Variants in CFTR observed in about 807,000 individuals in gnomAD.
CFTR encodes the protein cystic fibrosis transmembrane conductance regulator.
CFTR carries 181 observed loss-of-function variants against 171.6 expected under a neutral mutation model. The ratio of observed to expected loss-of-function variants is 1.05; its 90% confidence interval spans 0.93 to 1.19. CFTR has a LOEUF of 1.19. CFTR is among the 50% of genes most tolerant of loss of function. CFTR has a pLI of 0.00. For missense variants in CFTR, 1,968 were observed against 1,734.7 expected, an observed-to-expected ratio of 1.13 and a Z score of -2.39; for synonymous variants, 583 against 608.0, an observed-to-expected ratio of 0.96 and a Z score of 0.60.
chr7:117,612,452 C>A (rs767269334), intron 20 of CFTR, among the ~76,000 whole-genome samples: 1 of 151,936 alleles, frequency 6.6e-6, no homozygotes, highest in Non-Finnish European at 1.5e-5. Context: ...ATTTTAGGAT[C>A]TTTAGTGAAA....
At chr7:117,580,952 G>C (rs213956) in intron 11 of CFTR, among the ~76,000 whole-genome samples, 4 of 151,814 alleles carry the variant, frequency 2.6e-5, no homozygotes, top group African/African-American at 7.3e-5. Context: ...TGGAAATTTC[G>C]AATAAACGAT....
intron 11 of CFTR, among the ~76,000 whole-genome samples, chr7:117,567,773 A>G (rs1461832062): frequency 6.6e-6 from 1 of 152,206 alleles, no homozygotes; most frequent in African/African-American, 2.4e-5. Context: ...ATATTTGATG[A>G]CAGAGACACA....
At chr7:117,661,454 C>G (rs1354701786) in intron 24 of CFTR, among the ~76,000 whole-genome samples, 1 of 152,218 alleles carries the variant, frequency 6.6e-6, no homozygotes, top group South Asian at 2.1e-4. Flanking sequence ...AAGTCTAAGA[C>G]AGTCAAATAG....
At chr7:117,576,824 G>A (rs1181269951) in intron 11 of CFTR, among the ~76,000 whole-genome samples, 1 of 152,050 alleles carries the variant, frequency 6.6e-6, no homozygotes, top group Non-Finnish European at 1.5e-5. Context: ...TAGATTGTAA[G>A]CTCTTGAAAT....
chr7:117,543,455 A>G (rs1799090627), intron 9 of CFTR, among the ~76,000 whole-genome samples: 1 of 152,032 alleles, frequency 6.6e-6, no homozygotes, highest in Admixed American at 6.6e-5. Context: ...TTCCTGTCTC[A>G]CTCCATCTAA....
intron 1 of CFTR, among the ~76,000 whole-genome samples, chr7:117,490,123 C>T (rs1798133978): frequency 6.6e-6 from 1 of 151,922 alleles, no homozygotes; most frequent in Non-Finnish European, 1.5e-5. Flanking sequence ...GGCTGGAATC[C>T]TAACTCTGTC....
intron 22 of CFTR, among the ~76,000 whole-genome samples, chr7:117,635,927 T>C (rs992090659): frequency 2.0e-5 from 3 of 152,158 alleles, no homozygotes; most frequent in African/African-American, 7.2e-5. Flanking sequence ...TATTATAAAA[T>C]GAAATACCTT....
rs78831067 is a variant in CFTR, at chr7:117,608,700, T to C, written c.2989-1819T>C. 5.6e-3 allele frequency among the ~76,000 whole-genome samples: 853 copies of C among 152,240 alleles called. 7 individuals carry two copies. The highest frequency in any genetic ancestry group is 0.019 in the African/African-American group (796 of 41,544). On this transcript the variant is annotated intron_variant, in intron 18 of 26. Coordinates refer to ENST00000003084, the MANE Select transcript of CFTR (RefSeq NM_000492.4). ...TTTGTTAAATAATTAATCACAGGGG[T>C]CCTTCAAATTGTGAGCTCCTCTGGT... is the stretch of plus-strand genomic sequence containing the variant.
chr7:117,480,378 A>T (rs1006506252), intron 1 of CFTR, among the ~76,000 whole-genome samples: 1 of 152,228 alleles, frequency 6.6e-6, no homozygotes, highest in East Asian at 1.9e-4. Flanking sequence ...CTTGCAACTG[A>T]AAAGTTAGAA....
At chr7:117,655,011 A>T (rs112911103) in intron 24 of CFTR, among the ~76,000 whole-genome samples, 2 of 152,264 alleles carry the variant, frequency 1.3e-5, no homozygotes, top group African/African-American at 4.8e-5. Flanking sequence ...TAGGTGGCTG[A>T]CTAATATCCC....
chr7:117,613,958 T>C (rs923396877), intron 20 of CFTR, among the ~76,000 whole-genome samples: 14 of 151,092 alleles, frequency 9.3e-5, no homozygotes, highest in African/African-American at 3.4e-4. Context: ...AAAATTACTG[T>C]AATTTAACAC....
chr7:117,544,470 T>C (rs1394056176), intron 9 of CFTR, among the ~76,000 whole-genome samples: 2 of 152,142 alleles, frequency 1.3e-5, no homozygotes, highest in African/African-American at 2.4e-5. Context: ...ATGGAGAAAA[T>C]AGAGGCCACC....
chr7:117,632,149 A>G (rs1456257791), intron 22 of CFTR, among the ~76,000 whole-genome samples: 1 of 152,176 alleles, frequency 6.6e-6, no homozygotes, highest in African/African-American at 2.4e-5. Flanking sequence ...AGAAATGTTC[A>G]TTCTTGGGCC....
chr7:117,483,821 C>T (rs1003152127), intron 1 of CFTR, among the ~76,000 whole-genome samples: 2 of 152,188 alleles, frequency 1.3e-5, no homozygotes, highest in East Asian at 1.9e-4. Flanking sequence ...GTTATCCTCC[C>T]ACTCAGTCTC....
chr7:117,480,993 G>C (rs1584765041), intron 1 of CFTR, among the ~76,000 whole-genome samples: 1 of 152,146 alleles, frequency 6.6e-6, no homozygotes. Flanking sequence ...TGAATGAATA[G>C]GTACTGCTCT....
chr7:117,647,909 T>G (rs967870565), intron 23 of CFTR, among the ~76,000 whole-genome samples: 2 of 151,366 alleles, frequency 1.3e-5, no homozygotes, highest in African/African-American at 4.8e-5. Flanking sequence ...ATTGAATTTA[T>G]AAGAAAATGT....
At chr7:117,536,157 T>G (rs1798951654) in intron 6 of CFTR, among the ~76,000 whole-genome samples, 1 of 152,222 alleles carries the variant, frequency 6.6e-6, no homozygotes, top group Non-Finnish European at 1.5e-5. Context: ...GTTTGTCAGC[T>G]AGAGTATGAC....
chr7:117,499,514 T>C (rs2116628621), intron 1 of CFTR, among the ~76,000 whole-genome samples: 1 of 147,682 alleles, frequency 6.8e-6, no homozygotes, highest in Non-Finnish European at 1.5e-5. Flanking sequence ...AAATCTCTTA[T>C]AGTTAAGTGA....
intron 22 of CFTR, among the ~76,000 whole-genome samples, chr7:117,641,375 T>A (rs1792909354): frequency 6.6e-6 from 1 of 152,180 alleles, no homozygotes; most frequent in African/African-American, 2.4e-5. Context: ...ATTTTTATTA[T>A]ATATTTTTGA....
Sources: allele counts gnomAD v4.1 joint callset (sites outside exome capture counted in the v4.1 genomes callset), GRCh38; gene constraint gnomAD v4.1.1; transcripts MANE v1.5; gene names NCBI Gene and HGNC (gene_info 2026-07-23, HGNC 2026-07-21).